Variants in EPHB6 observed in about 807,000 individuals in gnomAD.
EPHB6 encodes the protein ephrin type-B receptor 6.
EPHB6 carries 51 observed loss-of-function variants against 107.0 expected under a neutral mutation model. The ratio of observed to expected loss-of-function variants is 0.48; its 90% CI spans 0.38 to 0.60. EPHB6 has a LOEUF of 0.60. Among genes scored for constraint, EPHB6 ranks in the 20% least tolerant of loss-of-function variants. The pLI, the probability that EPHB6 is intolerant of heterozygous loss-of-function variation, is 0.00. For missense variants in EPHB6, 1,141 were observed against 1,355.5 expected (o/e 0.84, Z 2.48); for synonymous variants, 553 against 549.0 (o/e 1.01, Z -0.10).
At position 142,868,432 on chromosome 7, in the gene EPHB6, C is replaced by G; in HGVS notation, c.2039-60C>G. The G allele has an allele frequency of 6.2e-7, 1 of 1,613,990 alleles. No homozygotes were observed. Among genetic ancestry groups the G allele is most frequent in the Non-Finnish European group, 8.5e-7 (1 of 1,179,886 alleles). On this transcript the variant is annotated intron_variant, in intron 14 of 19. Transcript: ENST00000652003. The surrounding 1 kb of genome is among the most constrained non-coding windows in gnomAD (Gnocchi z 4.2). The stretch of plus-strand genomic sequence containing the variant: ...GGCCTCCGCTGGCCAGAGTCCCATC[C>G]AAACACAGCAGGACGCTGTGAGCCT...
chr7:142,860,379 G>A (rs1488810795), intron 1 of EPHB6, among the ~76,000 whole-genome samples: 1 of 152,170 alleles, frequency 6.6e-6, no homozygotes, highest in African/African-American at 2.4e-5. Context: ...CCGTGACTCT[G>A]GTTTGCTTCA....
rs1490629177 is a variant in EPHB6 at position 142,869,192 on chromosome 7, G to A, written c.2460+45G>A. On this transcript the variant is annotated intron_variant, in intron 16 of 19. Transcript: ENST00000652003. The surrounding 1 kb of genome is among the most constrained non-coding windows in gnomAD (Gnocchi z 4.5). ...GACACAGCCTGGGGCCTTGTGGCAT[G>A]CCCCAGCAGGTGCTGGGGTCGGGGG... 20 of 1,597,480 alleles carry A rather than the reference G, an allele frequency of 1.3e-5. No homozygotes were observed. The highest frequency in any genetic ancestry group is 1.7e-5 in the Non-Finnish European group (20 of 1,170,406).
In EPHB6 at chr7:142,864,293, CCCTCCTCCTCCTCCTCCT is replaced by C; in HGVS notation, c.504_521del (p.Ser172_Ser177del). The C allele has an allele frequency of 6.4e-7, 1 of 1,559,744 alleles. No individual in the cohort carries two copies. The highest frequency in any genetic ancestry group is 8.8e-7 in the Non-Finnish European group (1 of 1,135,676). On this transcript the variant is annotated inframe_deletion, in exon 7 of 20. Coordinates refer to ENST00000652003, the MANE Select transcript of EPHB6 (RefSeq NM_004445.6). Reference sequence around the variant, plus strand: ...CACAATTGCAGCAGACGAGAGCTTTCCCTCCTCCTCCTCCTCCTCCTCCTCCTCTTCTTCCTCTGCAGC... The same window carrying C: ...CACAATTGCAGCAGACGAGAGCTTTCCCTCCTCCTCTTCTTCCTCTGCAGC...
intron 4 of EPHB6, 33 bp downstream of exon 4, chr7:142,862,866 C>T (rs1226943897): frequency 2.4e-5 from 6 of 251,450 alleles, no homozygotes; most frequent in African/African-American, 1.3e-4. Context: ...CTCTGCCCCA[C>T]TTCTAGGAAG....
At position 142,870,837 on chromosome 7, in the gene EPHB6, A is replaced by C. The variant is rs1243687145; in HGVS notation, c.3002A>C (p.Lys1001Thr). Residue 1001 changes from lysine to threonine, a missense_variant, in exon 20 of 20, where the codon AAG (lysine) becomes ACG (threonine). Lys to Thr is a moderately conservative substitution (Grantham distance 78, BLOSUM62 -1). This residue lies in a region of EPHB6 where 616 missense variants were observed against 759.3 expected (regional missense o/e 0.81). Coordinates refer to ENST00000652003, the MANE Select transcript of EPHB6 (RefSeq NM_004445.6). ...GGCATCACCCTGGCTGGCCACCAGAAGAAGCTGCTGCACCACATCCAGCTC... is the reference window on the plus strand; with the variant it reads ...GGCATCACCCTGGCTGGCCACCAGACGAAGCTGCTGCACCACATCCAGCTC... Reference protein sequence around the residue: ...ALGITLAGHQKKLLHHIQLLQ... With the variant: ...ALGITLAGHQTKLLHHIQLLQ... The C allele has an allele frequency of 6.2e-7, 1 of 1,614,102 alleles. No homozygotes were observed. Among genetic ancestry groups the C allele is most frequent in the African/African-American group, 1.3e-5 (1 of 75,030 alleles).
In EPHB6 at chr7:142,868,887, CT is replaced by C. The variant is rs1794752897; in HGVS notation, c.2287-86del. 2.5e-5 allele frequency: 40 copies of C among 1,585,304 alleles called. No individual in the cohort carries two copies. The highest frequency in any genetic ancestry group is 3.3e-5 in the Non-Finnish European group (39 of 1,168,228). On this transcript the variant is annotated intron_variant, in intron 15 of 19. Coordinates refer to ENST00000652003, the MANE Select transcript of EPHB6 (RefSeq NM_004445.6). This position sits in a 1 kb window ranked among gnomAD's most constrained non-coding sequence, Gnocchi z 4.2. Reference sequence around the variant, plus strand: ...CATTTTCTGATTCGACACCCTCCCGCTCTCATGCTGTTGTCTGCTATGCAGT... The same window carrying C: ...CATTTTCTGATTCGACACCCTCCCGCCTCATGCTGTTGTCTGCTATGCAGT...
At position 142,867,492 on chromosome 7, in the gene EPHB6, T is replaced by G; in HGVS notation, c.1751-116T>G. ...GTCCCTGTGCATGGATGTGGGAGGTTTGGGGCATGCGCGTGCATGTTGTGT... is the reference window on the plus strand; with the variant it reads ...GTCCCTGTGCATGGATGTGGGAGGTGTGGGGCATGCGCGTGCATGTTGTGT... On this transcript the variant is annotated intron_variant, in intron 11 of 19. Coordinates refer to ENST00000652003, the MANE Select transcript of EPHB6 (RefSeq NM_004445.6). This position sits in a 1 kb window ranked among gnomAD's most constrained non-coding sequence, Gnocchi z 5.3. 1 of 848,080 alleles carries G rather than the reference T, an allele frequency of 1.2e-6. No homozygotes were observed. The highest frequency in any genetic ancestry group is 1.9e-6 in the Non-Finnish European group (1 of 516,224). The allele number at this position is 848,080 out of a possible 1,614,324, so 52.5% of individuals were successfully genotyped here.
In EPHB6 at chr7:142,868,269, C is replaced by T; in HGVS notation, c.1947C>T (p.Pro649=). The T allele has an allele frequency of 1.2e-6, 2 of 1,614,212 alleles. No homozygotes were observed. Among genetic ancestry groups the T allele is most frequent in the Non-Finnish European group, 1.7e-6 (2 of 1,180,026 alleles). Residue 649 remains proline, a synonymous_variant, in exon 14 of 20, where the codon CCC becomes CCT. Transcript: ENST00000652003. This position sits in a 1 kb window ranked among gnomAD's most constrained non-coding sequence, Gnocchi z 4.2. ...PGLGVKYYID[P]STYEDPCQAI... Reference sequence around the variant, plus strand: ...TCGGGGTGAAGTATTACATCGACCCCTCCACCTACGAGGACCCCTGTCAGG... The same window carrying T: ...TCGGGGTGAAGTATTACATCGACCCTTCCACCTACGAGGACCCCTGTCAGG...
intron 1 of EPHB6, among the ~76,000 whole-genome samples, chr7:142,856,410 A>G (rs1165630075): frequency 6.6e-6 from 1 of 152,186 alleles, no homozygotes; most frequent in Non-Finnish European, 1.5e-5. Context: ...CCTCAGAAGG[A>G]GGACTTGTTT....
At chr7:142,863,440 A>G in intron 5 of EPHB6, 113 bp downstream of exon 5, 11 of 1,231,914 alleles carry the variant, frequency 8.9e-6, no homozygotes, top group South Asian at 1.2e-5. Context: ...AATAAAGGGA[A>G]AGGCATGGTG....
chr7:142,870,438 G>A (rs1263721328), intron 18 of EPHB6, 31 bp downstream of exon 18: 5 of 1,613,710 alleles, frequency 3.1e-6, no homozygotes, highest in Non-Finnish European at 4.2e-6. Flanking sequence ...GCCTGGGAAA[G>A]CCAGGGAGGG....
intron 1 of EPHB6, among the ~76,000 whole-genome samples, chr7:142,858,478 G>A (rs1331046795): frequency 7.9e-6 from 1 of 127,232 alleles, no homozygotes; most frequent in Admixed American, 9.5e-5. Flanking sequence ...CTCTGTCGCC[G>A]AGGCTGGAGT....
chr7:142,864,293 C>CCCT lies in EPHB6; in HGVS notation c.519_521dup (p.Ser177dup), dbSNP rs143667567. 0.084 allele frequency: 131,288 copies of CCCT among 1,559,744 alleles called. 6,064 individuals carry two copies. Among genetic ancestry groups the CCCT allele is most frequent in the African/African-American group, 0.34 (25,145 of 73,374 alleles). On this transcript the variant is annotated inframe_insertion, in exon 7 of 20. Coordinates refer to ENST00000652003, the MANE Select transcript of EPHB6 (RefSeq NM_004445.6). ...CACAATTGCAGCAGACGAGAGCTTT[C>CCCT]CCTCCTCCTCCTCCTCCTCCTCCTC...
Position 142,866,599 on chromosome 7 carries a change from T to C in EPHB6, c.1581T>C (p.Tyr527=), listed in dbSNP as rs765947920. Residue 527 remains tyrosine (Y), a synonymous_variant, in exon 10 of 20, where the codon TAT becomes TAC. Transcript: ENST00000652003. The surrounding 1 kb of genome is among the most constrained non-coding windows in gnomAD (Gnocchi z 5.2). ...GNILDYQLRY[Y]DQAEDESHSF... ...TCCTGGACTATCAGCTCCGCTACTA[T>C]GACCAGGTGCGCAGGAGGAGTGGGG... 15 of 1,614,004 alleles carry C rather than the reference T, an allele frequency of 9.3e-6. No individual in the cohort carries two copies. The highest frequency in any genetic ancestry group is 3.3e-5 in the Admixed American group (2 of 60,006).
intron 7 of EPHB6, 62 bp downstream of exon 7, chr7:142,864,811 C>T: frequency 6.3e-7 from 1 of 1,588,356 alleles, no homozygotes; most frequent in Non-Finnish European, 8.6e-7. Flanking sequence ...CCTTTGGGCT[C>T]CTCTCTGAAC....
intron 1 of EPHB6, among the ~76,000 whole-genome samples, chr7:142,857,475 G>A (rs778899121): frequency 4.2e-4 from 64 of 152,200 alleles, no homozygotes; most frequent in Non-Finnish European, 8.2e-4. Flanking sequence ...GGATTATACT[G>A]GAATTTCCTG....
rs1802737242 is a variant in EPHB6, at chr7:142,859,148, CCT to C, written c.-431-1903_-431-1902del. Among the ~76,000 whole-genome samples the C allele has an allele frequency of 3.6e-4, 3 of 8,364 alleles. No individual in the cohort carries two copies. The South Asian group carries it at 0.056, about 155-fold the overall frequency. The allele number at this position is 8,364 out of a possible 152,430, so 5.5% of individuals were successfully genotyped here. ...GAGAATTTCTAAATACTGACCAGTT[CCT>C]TTTGTAAGTCAGAGGAGAGAGGACT... On this transcript the variant is annotated intron_variant, in intron 1 of 19. Coordinates refer to ENST00000652003, the MANE Select transcript of EPHB6 (RefSeq NM_004445.6).
chr7:142,864,973 A>G (rs938790187), intron 7 of EPHB6, among the ~76,000 whole-genome samples: 2 of 152,196 alleles, frequency 1.3e-5, no homozygotes, highest in African/African-American at 4.8e-5. Flanking sequence ...TTTCACAGCA[A>G]TTGCCTTCTC....
In EPHB6 at chr7:142,867,994, C is replaced by T. The variant is rs781631341; in HGVS notation, c.1866-3C>T. On this transcript the variant is annotated splice_region_variant and splice_polypyrimidine_tract_variant and intron_variant, in intron 12 of 19. Transcript: ENST00000652003. This position sits in a 1 kb window ranked among gnomAD's most constrained non-coding sequence, Gnocchi z 5.3. ...CATCCCCAGTCACCGTTTTGTTCCT[C>T]AGGAAGCGGCGTGGGACTGGCTACA... 6 of 1,572,870 alleles carry T rather than the reference C, an allele frequency of 3.8e-6. No individual in the cohort carries two copies. The African/African-American group carries it at 8.1e-5, about 21-fold the overall frequency.
Sources: allele counts gnomAD v4.1 joint callset (sites outside exome capture counted in the v4.1 genomes callset), GRCh38; gene constraint gnomAD v4.1.1; regional missense constraint gnomAD v4.1.1; non-coding constraint Gnocchi (gnomAD v3.1); transcripts MANE v1.5; gene names NCBI Gene and HGNC (gene_info 2026-07-23, HGNC 2026-07-21).